The following PIP4K2A variants were observed in gnomAD, a reference collection of about 807,000 sequenced individuals.
PIP4K2A encodes the protein phosphatidylinositol 5-phosphate 4-kinase type-2 alpha.
A neutral mutation model predicts 42.9 loss-of-function variants in PIP4K2A; 14 were observed. That is an observed-to-expected ratio of 0.33 (90% confidence interval 0.22 to 0.51). The LOEUF is 0.51. Ranked by LOEUF, PIP4K2A falls within the 20% of genes least tolerant of loss-of-function variation. The pLI is 0.97. For missense variants in PIP4K2A, 434 were observed against 519.8 expected (o/e 0.83, Z 1.61); for synonymous variants, 192 against 192.2 (o/e 1.00, Z 0.01).
At chr10:22,586,665 G>C (rs1837402453) in intron 4 of PIP4K2A, among the ~76,000 whole-genome samples, 1 of 152,010 alleles carries the variant, frequency 6.6e-6, no homozygotes, top group South Asian at 2.1e-4. Context: ...CGAGTAGCTG[G>C]GACTACAGGC....
intron 1 of PIP4K2A, among the ~76,000 whole-genome samples, chr10:22,616,357 C>T (rs2130727710): frequency 6.6e-6 from 1 of 152,330 alleles, no homozygotes; most frequent in African/African-American, 2.4e-5. Context: ...ACTCCACACA[C>T]AGTATCTTAT....
intron 1 of PIP4K2A, among the ~76,000 whole-genome samples, chr10:22,702,739 T>C (rs1198340436): frequency 2.6e-5 from 4 of 152,296 alleles, no homozygotes; most frequent in East Asian, 1.9e-4. Context: ...TCTATGTTTA[T>C]GAAAATTGAA....
rs540946665 is a variant in PIP4K2A, at chr10:22,619,169, T to A, written c.145-9452A>T. On this transcript the variant is annotated intron_variant, in intron 1 of 9. Coordinates refer to ENST00000376573, the MANE Select transcript of PIP4K2A (RefSeq NM_005028.5). The stretch of plus-strand genomic sequence containing the variant: ...TATAGGTTGAAACAATTAAGAACTT[T>A]AAAAAAAAAAATGAAGTTCTAATAT... Among the ~76,000 whole-genome samples, 708 of 148,342 alleles carry A rather than the reference T, an allele frequency of 4.8e-3. 1 individual carries two copies. Among genetic ancestry groups the A allele is most frequent in the Non-Finnish European group, 7.1e-3 (474 of 66,722 alleles).
chr10:22,702,466 C>A (rs947791721), intron 1 of PIP4K2A, among the ~76,000 whole-genome samples: 1 of 152,230 alleles, frequency 6.6e-6, no homozygotes, highest in Admixed American at 6.5e-5. Flanking sequence ...AGTCTTCACG[C>A]AGTTCACTTG....
chr10:22,576,375 G>T (rs188147827), intron 4 of PIP4K2A, among the ~76,000 whole-genome samples: 1 of 152,320 alleles, frequency 6.6e-6, no homozygotes, highest in East Asian at 1.9e-4. Flanking sequence ...GATTCTCCCA[G>T]TTGACCCAGA....
chr10:22,694,022 C>G (rs1311967741), intron 1 of PIP4K2A: 3 of 152,130 alleles, frequency 2.0e-5, no homozygotes, highest in Non-Finnish European at 4.4e-5. Flanking sequence ...ATGCAGAGCC[C>G]ATGGATACGG....
intron 1 of PIP4K2A, among the ~76,000 whole-genome samples, chr10:22,652,122 ATTT>A (rs35572224): frequency 6.8e-5 from 10 of 147,394 alleles, no homozygotes; most frequent in Non-Finnish European, 1.2e-4. Context: ...CTGCACACAA[ATTT>A]TTTTTTTTTT....
rs370520283 is a variant in PIP4K2A at position 22,543,194 on chromosome 10, C to T, written c.793-1147G>A. 5.9e-5 allele frequency among the ~76,000 whole-genome samples: 9 copies of T among 152,260 alleles called. No individual in the cohort carries two copies. In the East Asian group the frequency reaches 1.5e-3, roughly 26 times the overall value. ...TGTCTCGAAACTGAATGAGAAGCCC[C>T]GATTCCTTACAGACGAGGAGAGGAC... On this transcript the variant is annotated intron_variant, in intron 7 of 9. Coordinates refer to ENST00000376573, the MANE Select transcript of PIP4K2A (RefSeq NM_005028.5).
At chr10:22,609,834 C>T (rs1837990868) in intron 1 of PIP4K2A, 117 bp from the exon 2 acceptor site, 1 of 611,178 alleles carries the variant, frequency 1.6e-6, no homozygotes. Context: ...TCTTCCCACC[C>T]ACCAACCCAC....
intron 1 of PIP4K2A, among the ~76,000 whole-genome samples, chr10:22,654,646 G>A (rs1184469386): frequency 6.6e-6 from 1 of 152,150 alleles, no homozygotes; most frequent in African/African-American, 2.4e-5. Context: ...GCATTCCCAA[G>A]AAAGGGTCTG....
intron 7 of PIP4K2A, among the ~76,000 whole-genome samples, chr10:22,544,406 T>A (rs1588614636): frequency 6.6e-6 from 1 of 152,034 alleles, no homozygotes. Context: ...TGGGTCAGGG[T>A]CTCCTTGGCC....
intron 7 of PIP4K2A, among the ~76,000 whole-genome samples, chr10:22,542,371 G>GGA (rs997109234): frequency 3.3e-5 from 5 of 152,198 alleles, no homozygotes; most frequent in African/African-American, 1.2e-4. Context: ...AGAGAGACTG[G>GGA]GAGAGAGAGC....
At chr10:22,543,518 AGAG>A (rs1237983052) in intron 7 of PIP4K2A, among the ~76,000 whole-genome samples, 5 of 152,244 alleles carry the variant, frequency 3.3e-5, no homozygotes, top group Admixed American at 2.0e-4. Flanking sequence ...TCTGGGTCCC[AGAG>A]AAGAGGGGAA....
At chr10:22,655,363 G>A (rs889683264) in intron 1 of PIP4K2A, among the ~76,000 whole-genome samples, 1 of 152,200 alleles carries the variant, frequency 6.6e-6, no homozygotes, top group South Asian at 2.1e-4. Context: ...CCCTCGGCAG[G>A]AGGTGGAGGT....
chr10:22,602,526 G>A (rs985709225), intron 3 of PIP4K2A, among the ~76,000 whole-genome samples: 6 of 151,988 alleles, frequency 3.9e-5, no homozygotes, highest in Non-Finnish European at 8.8e-5. Context: ...CAGCAGAATC[G>A]GCCCAGTGTC....
intron 3 of PIP4K2A, among the ~76,000 whole-genome samples, chr10:22,596,491 A>G (rs1267608875): frequency 3.3e-5 from 5 of 152,224 alleles, no homozygotes; most frequent in African/African-American, 7.2e-5. Flanking sequence ...AGGAGGTCTT[A>G]TATCTTCAAC....
chr10:22,647,065 T>A (rs1564454357), intron 1 of PIP4K2A, among the ~76,000 whole-genome samples: 1 of 152,124 alleles, frequency 6.6e-6, no homozygotes, highest in African/African-American at 2.4e-5. Context: ...TACTACAAAG[T>A]TTTTTCAAAG....
intron 1 of PIP4K2A, among the ~76,000 whole-genome samples, chr10:22,639,409 A>G (rs1838733110): frequency 6.6e-6 from 1 of 151,998 alleles, no homozygotes; most frequent in African/African-American, 2.4e-5. Context: ...GACACAAAAC[A>G]AATATAGTTC....
At chr10:22,595,867 C>A (rs1469699298) in intron 3 of PIP4K2A, among the ~76,000 whole-genome samples, 1 of 152,044 alleles carries the variant, frequency 6.6e-6, no homozygotes, top group Non-Finnish European at 1.5e-5. Flanking sequence ...GGGGAGAGAA[C>A]AGGCTGAATT....
Sources: allele counts gnomAD v4.1 joint callset (sites outside exome capture counted in the v4.1 genomes callset), GRCh38; gene constraint gnomAD v4.1.1; transcripts MANE v1.5; gene names NCBI Gene and HGNC (gene_info 2026-07-23, HGNC 2026-07-21).